DNER: variants seen among roughly 807,000 people sequenced by gnomAD.
DNER encodes the protein delta and Notch-like epidermal growth factor-related receptor.
DNER carries 33 observed loss-of-function variants against 78.2 expected under a neutral mutation model. The observed-to-expected ratio is 0.42, with a 90% CI of 0.32 to 0.56. DNER has a LOEUF of 0.56. Ranked by LOEUF, DNER falls within the 20% of genes least tolerant of loss-of-function variation. DNER has a pLI of 0.11. For synonymous variants in DNER, 417 were observed against 384.8 expected (o/e 1.08, Z -0.98); for missense variants, 918 against 975.3 (o/e 0.94, Z 0.78).
intron 4 of DNER, among the ~76,000 whole-genome samples, chr2:229,562,445 T>C (rs1037589999): frequency 4.6e-5 from 7 of 152,216 alleles, no homozygotes; most frequent in Non-Finnish European, 7.3e-5. Flanking sequence ...ATATGAAATA[T>C]GCATATAAAC....
At chr2:229,420,420 T>G (rs1048669419) in intron 8 of DNER, among the ~76,000 whole-genome samples, 5 of 152,222 alleles carry the variant, frequency 3.3e-5, no homozygotes, top group Non-Finnish European at 7.3e-5. Flanking sequence ...CAGAACCTTT[T>G]AAGTTTGAAG....
In DNER at chr2:229,477,915, T is replaced by C. The variant is rs114931790; in HGVS notation, c.1148-662A>G. Among the ~76,000 whole-genome samples, 712 of 152,294 alleles carry C rather than the reference T, an allele frequency of 4.7e-3. 6 individuals are homozygous for C. The highest frequency in any genetic ancestry group is 0.016 in the African/African-American group (669 of 41,554). On this transcript the variant is annotated intron_variant, in intron 6 of 12. Coordinates refer to ENST00000341772, the MANE Select transcript of DNER (RefSeq NM_139072.4). ...TTGGATTGTAACATAACTACGCACA[T>C]GTGGTGAGGAAATAAGGATGTAAAT...
intron 1 of DNER, among the ~76,000 whole-genome samples, chr2:229,674,964 C>T (rs368802117): frequency 6.6e-6 from 1 of 152,188 alleles, no homozygotes; most frequent in Non-Finnish European, 1.5e-5. Context: ...TAAGCAAGGA[C>T]ATTCGCAAGC....
chr2:229,460,515 G>GAA (rs1442059041), intron 7 of DNER, among the ~76,000 whole-genome samples: 3 of 151,914 alleles, frequency 2.0e-5, no homozygotes, highest in Admixed American at 6.6e-5. Flanking sequence ...ATTTTCAGGA[G>GAA]AACTTTTTTT....
chr2:229,374,955 G>A (rs1460510718), intron 11 of DNER, among the ~76,000 whole-genome samples: 1 of 152,184 alleles, frequency 6.6e-6, no homozygotes, highest in Non-Finnish European at 1.5e-5. Context: ...GGCATGAAAA[G>A]CATTTCCCTA....
At chr2:229,482,931 A>G (rs1167414495) in intron 6 of DNER, among the ~76,000 whole-genome samples, 10 of 152,226 alleles carry the variant, frequency 6.6e-5, no homozygotes. Context: ...AGAGGGCTAC[A>G]AAGAAAAGTG....
Position 229,477,298 on chromosome 2 carries a change from A to G in DNER, c.1148-45T>C, listed in dbSNP as rs1418049870. ...CATTTTATAAAATAAGCTCTTCCAG[A>G]CCCACCATGAGCCACTCTAGGAATT... is the stretch of plus-strand genomic sequence containing the variant. On this transcript the variant is annotated intron_variant, in intron 6 of 12. Coordinates refer to ENST00000341772, the MANE Select transcript of DNER (RefSeq NM_139072.4). The G allele has an allele frequency of 2.7e-6, 4 of 1,458,840 alleles. No individual in the cohort carries two copies. The Admixed American group carries it at 7.3e-5, about 27-fold the overall frequency. 90.4% of individuals were successfully genotyped at this position (1,458,840 alleles called of 1,614,324 possible).
At chr2:229,558,993 T>A (rs1206173780) in intron 4 of DNER, among the ~76,000 whole-genome samples, 3 of 152,138 alleles carry the variant, frequency 2.0e-5, no homozygotes, top group Non-Finnish European at 4.4e-5. Context: ...GACTGGTGCA[T>A]TCTCAAAGAC....
intron 7 of DNER, among the ~76,000 whole-genome samples, chr2:229,458,135 C>CAAAAA (rs61340733): frequency 0.12 from 2,162 of 17,700 alleles, 587 homozygotes; most frequent in South Asian, 0.18. Context: ...GACTCTATCT[C>CAAAAA]AAAAAAAAAA....
At chr2:229,453,940 A>G (rs1171320758) in intron 7 of DNER, among the ~76,000 whole-genome samples, 1 of 148,822 alleles carries the variant, frequency 6.7e-6, no homozygotes, top group Admixed American at 6.7e-5. Flanking sequence ...AAAAAAAAAA[A>G]AAGAAAGAAG....
chr2:229,514,933 C>G (rs1695939987), intron 5 of DNER, among the ~76,000 whole-genome samples: 1 of 152,230 alleles, frequency 6.6e-6, no homozygotes, highest in Non-Finnish European at 1.5e-5. Context: ...GGGAATACAA[C>G]AGGTCCTTGT....
chr2:229,660,435 C>T (rs1430420655), intron 1 of DNER, among the ~76,000 whole-genome samples: 1 of 152,124 alleles, frequency 6.6e-6, no homozygotes, highest in Non-Finnish European at 1.5e-5. Flanking sequence ...CATCCATGTC[C>T]CTGCAAGGAC....
chr2:229,449,884 C>T (rs141282575), intron 7 of DNER, among the ~76,000 whole-genome samples: 19 of 152,266 alleles, frequency 1.2e-4, no homozygotes, highest in South Asian at 1.0e-3. Context: ...TCGGGTCAAG[C>T]GATTCTCCTG....
chr2:229,642,624 C>T (rs1479015665), intron 1 of DNER, among the ~76,000 whole-genome samples: 2 of 152,212 alleles, frequency 1.3e-5, no homozygotes, highest in Non-Finnish European at 2.9e-5. Context: ...ACGGAAGTGG[C>T]AGGGCCTTGA....
chr2:229,597,428 G>T (rs755380379), intron 1 of DNER, among the ~76,000 whole-genome samples: 3 of 152,056 alleles, frequency 2.0e-5, no homozygotes, highest in Non-Finnish European at 4.4e-5. Context: ...GTTCGTATTT[G>T]TATTTTATCT....
At chr2:229,651,025 G>C (rs1698807034) in intron 1 of DNER, among the ~76,000 whole-genome samples, 1 of 152,094 alleles carries the variant, frequency 6.6e-6, no homozygotes, top group Non-Finnish European at 1.5e-5. Context: ...ATCAATCAAG[G>C]CATGCCTAAA....
intron 11 of DNER, among the ~76,000 whole-genome samples, chr2:229,385,658 A>G (rs1692847661): frequency 6.6e-6 from 1 of 152,224 alleles, no homozygotes; most frequent in African/African-American, 2.4e-5. Context: ...AAAAATCACA[A>G]GCTTTCCTAT....
intron 10 of DNER, among the ~76,000 whole-genome samples, chr2:229,395,075 A>T (rs894210857): frequency 6.6e-6 from 1 of 152,122 alleles, no homozygotes; most frequent in Non-Finnish European, 1.5e-5. Flanking sequence ...AAGCAGACAG[A>T]TTCCTCTTGG....
rs190714813 is a variant in DNER at position 229,425,335 on chromosome 2, T to C, written c.1487-7105A>G. ...TTGGGACTCCTCTCTGTGCCCCCTA[T>C]GAAGCCTCCAGCCACATGGTGAAGC... is the stretch of plus-strand genomic sequence containing the variant. On this transcript the variant is annotated intron_variant, in intron 8 of 12. Coordinates refer to ENST00000341772, the MANE Select transcript of DNER (RefSeq NM_139072.4). Among the ~76,000 whole-genome samples the C allele has an allele frequency of 1.9e-4, 29 of 152,238 alleles. No individual in the cohort carries two copies. In the East Asian group the frequency reaches 5.4e-3, roughly 28 times the overall value.
Sources: allele counts gnomAD v4.1 joint callset (sites outside exome capture counted in the v4.1 genomes callset), GRCh38; gene constraint gnomAD v4.1.1; transcripts MANE v1.5; gene names NCBI Gene and HGNC (gene_info 2026-07-23, HGNC 2026-07-21).